RERE: variants seen among roughly 807,000 people sequenced by gnomAD.
RERE encodes arginine-glutamic acid dipeptide repeats protein.
In RERE, 40 loss-of-function variants were observed where a neutral mutation model predicts 146.1. That is an observed-to-expected ratio of 0.27 (90% CI 0.21 to 0.36). The LOEUF is 0.36. Among genes scored for constraint, RERE ranks in the 10% least tolerant of loss-of-function variants. RERE has a pLI of 1.00. For synonymous variants in RERE, 1,003 were observed against 866.0 expected (o/e 1.16, Z -2.78); for missense variants, 1,933 against 2,138.7 (o/e 0.90, Z 1.90).
Position 8,423,739 on chromosome 1 carries a change from C to CCGGGGGGCGCGGGGCT in RERE, c.1204-948_1204-933dup, listed in dbSNP as rs1553164936. The CCGGGGGGCGCGGGGCT allele has an allele frequency of 1.0e-6, 1 of 972,758 alleles. No homozygotes were observed. The highest frequency in any genetic ancestry group is 1.2e-6 in the Non-Finnish European group (1 of 821,520). 60.3% of individuals were successfully genotyped at this position (972,758 alleles called of 1,614,324 possible). A position where few individuals can be genotyped will look rare whatever the true frequency, so the allele number is the denominator to read the frequency against. ...GCGGCGGGGCCGCGCGGCGCGGGGC[C>CCGGGGGGCGCGGGGCT]CGGGGGGCGCGGGGCTGGGGCCGCC... On this transcript the variant is annotated intron_variant, in intron 11 of 22. Coordinates refer to ENST00000400908, the MANE Select transcript of RERE (RefSeq NM_001042681.2). This position sits in a 1 kb window ranked among gnomAD's most constrained non-coding sequence, Gnocchi z 5.4.
chr1:8,540,745 TTAC>T (rs1436909531), intron 7 of RERE, among the ~76,000 whole-genome samples: 1 of 152,198 alleles, frequency 6.6e-6, no homozygotes, highest in African/African-American at 2.4e-5. Context: ...ACTAGTAGTC[TTAC>T]TAAAGATATT....
chr1:8,507,290 C>T (rs1645262906), intron 8 of RERE, among the ~76,000 whole-genome samples: 1 of 152,140 alleles, frequency 6.6e-6, no homozygotes, highest in Non-Finnish European at 1.5e-5. Flanking sequence ...AACGTAAAAA[C>T]AACAACAAAA....
chr1:8,515,240 T>G (rs115463260), intron 7 of RERE, among the ~76,000 whole-genome samples: 2,001 of 152,000 alleles, frequency 0.013, 44 homozygotes, highest in African/African-American at 0.046. Context: ...CACGCACCTA[T>G]AATCCCACCT....
intron 7 of RERE, among the ~76,000 whole-genome samples, chr1:8,509,765 A>T (rs1255337196): frequency 6.6e-6 from 1 of 152,122 alleles, no homozygotes; most frequent in Non-Finnish European, 1.5e-5. Context: ...CTGCACTCCA[A>T]CCTGGGCAAC....
chr1:8,713,817 T>G (rs1639713477), intron 1 of RERE, among the ~76,000 whole-genome samples: 1 of 152,180 alleles, frequency 6.6e-6, no homozygotes, highest in African/African-American at 2.4e-5. Context: ...TACCTAACAT[T>G]AAAGGTATTT....
At chr1:8,504,935 C>A (rs1645231196) in intron 8 of RERE, among the ~76,000 whole-genome samples, 1 of 152,174 alleles carries the variant, frequency 6.6e-6, no homozygotes, top group Non-Finnish European at 1.5e-5. Context: ...GCACTTACCA[C>A]CACCCAGGAA....
chr1:8,739,225 C>T (rs1223178421), intron 1 of RERE, among the ~76,000 whole-genome samples: 2 of 152,194 alleles, frequency 1.3e-5, no homozygotes, highest in African/African-American at 4.8e-5. Context: ...TGCCACCACC[C>T]TTAAGGCTGA....
chr1:8,599,846 C>T (rs1188678797), intron 4 of RERE, among the ~76,000 whole-genome samples: 4 of 152,154 alleles, frequency 2.6e-5, no homozygotes, highest in Non-Finnish European at 4.4e-5. Context: ...CCATGCAATC[C>T]TTAAACTGTC....
intron 1 of RERE, among the ~76,000 whole-genome samples, chr1:8,720,884 C>G (rs891195467): frequency 6.6e-6 from 1 of 152,102 alleles, no homozygotes; most frequent in Non-Finnish European, 1.5e-5. Context: ...GGTGCAACCC[C>G]GTCTCTACTA....
chr1:8,361,431 G>A lies in RERE; in HGVS notation c.2076C>T (p.Ser692=), dbSNP rs922694231. 3.7e-5 allele frequency: 59 copies of A among 1,613,666 alleles called. No individual in the cohort carries two copies. The highest frequency in any genetic ancestry group is 2.5e-5 in the Non-Finnish European group (29 of 1,179,962). The change falls in exon 18 of 23, where the codon AGC becomes AGT. Residue 692 remains serine, a synonymous_variant. Transcript: ENST00000400908. The part of the protein sequence containing the change: ...EGEGESSDSR[S]VNDEGSSDPK... ...GGTCACTGCTACCCTCATCGTTGAC[G>A]CTGCGACTGTCTGAACTCTCTCCCT...
At chr1:8,564,996 A>C (rs1223815356) in intron 4 of RERE, among the ~76,000 whole-genome samples, 2 of 152,098 alleles carry the variant, frequency 1.3e-5, no homozygotes, top group Non-Finnish European at 2.9e-5. Context: ...GACAAATACC[A>C]CATGTGCTTA....
At chr1:8,626,810 T>C (rs1327210186) in intron 2 of RERE, among the ~76,000 whole-genome samples, 1 of 152,210 alleles carries the variant, frequency 6.6e-6, no homozygotes, top group Admixed American at 6.5e-5. Context: ...TCCGGTTTAT[T>C]CTCCAAAATG....
intron 11 of RERE, among the ~76,000 whole-genome samples, chr1:8,428,070 G>A (rs760441487): frequency 3.3e-5 from 5 of 152,178 alleles, no homozygotes; most frequent in Non-Finnish European, 7.3e-5. Flanking sequence ...TGAAATTCAA[G>A]GTCTCATGAA....
At chr1:8,518,470 A>G (rs1414650768) in intron 7 of RERE, among the ~76,000 whole-genome samples, 1 of 152,244 alleles carries the variant, frequency 6.6e-6, no homozygotes, top group Non-Finnish European at 1.5e-5. Flanking sequence ...TATTAAGTTG[A>G]GCAGGAAGAC....
chr1:8,638,187 T>C (rs989455314), intron 2 of RERE, among the ~76,000 whole-genome samples: 1 of 152,234 alleles, frequency 6.6e-6, no homozygotes, highest in African/African-American at 2.4e-5. Flanking sequence ...TTTTTGTTGA[T>C]TCATTAAATA....
chr1:8,692,828 A>G (rs1639236376), intron 1 of RERE, among the ~76,000 whole-genome samples: 1 of 152,220 alleles, frequency 6.6e-6, no homozygotes, highest in Non-Finnish European at 1.5e-5. Flanking sequence ...ACCCTAACCT[A>G]TCACTCTACC....
intron 1 of RERE, among the ~76,000 whole-genome samples, chr1:8,715,230 G>A (rs1324882972): frequency 1.3e-5 from 2 of 151,448 alleles, no homozygotes; most frequent in Non-Finnish European, 2.9e-5. Flanking sequence ...ATAAACATTC[G>A]GCTGGGTGCG....
At chr1:8,384,664 C>T (rs1039724755) in intron 12 of RERE, among the ~76,000 whole-genome samples, 2 of 152,240 alleles carry the variant, frequency 1.3e-5, no homozygotes, top group Non-Finnish European at 2.9e-5. Context: ...ACATCACAAC[C>T]AGATGCTTTG....
chr1:8,763,770 C>G (rs905902791), intron 1 of RERE, among the ~76,000 whole-genome samples: 1 of 152,122 alleles, frequency 6.6e-6, no homozygotes, highest in Non-Finnish European at 1.5e-5. Context: ...GAAGCCCCAT[C>G]TCTACTAAAA....
Sources: gnomAD v4.1 joint callset for allele counts (sites outside exome capture counted in the v4.1 genomes callset) on GRCh38, gnomAD v4.1.1 for gene constraint, Gnocchi (gnomAD v3.1) non-coding constraint, MANE v1.5 for transcripts, NCBI Gene and HGNC (gene_info 2026-07-23, HGNC 2026-07-21) for gene names.